AGO2: variants seen among roughly 807,000 people sequenced by gnomAD.
AGO2 encodes the protein protein argonaute-2.
In AGO2, 5 loss-of-function variants were observed where a neutral mutation model predicts 102.3. The observed-to-expected ratio is 0.05, with a 90% confidence interval of 0.03 to 0.10. The LOEUF is 0.10. Ranked by LOEUF, AGO2 falls within the 10% of genes least tolerant of loss-of-function variation. The probability of loss-of-function intolerance (pLI) is 1.00; values close to 1 mark genes in which losing one functional copy is unlikely to be tolerated. For synonymous variants in AGO2, 449 were observed against 473.1 expected, an observed-to-expected ratio of 0.95 and a Z score of 0.66; for missense variants, 541 against 1,183.7, an observed-to-expected ratio of 0.46 and a Z score of 7.97.
intron 1 of AGO2, among the ~76,000 whole-genome samples, chr8:140,632,705 C>G (rs2074356513): frequency 6.6e-6 from 1 of 152,198 alleles, no homozygotes; most frequent in East Asian, 1.9e-4. Flanking sequence ...ATCCACCCAT[C>G]TTAAACAACT....
chr8:140,619,089 G>A (rs1395936532), intron 1 of AGO2, among the ~76,000 whole-genome samples: 2 of 151,650 alleles, frequency 1.3e-5, no homozygotes, highest in Non-Finnish European at 2.9e-5. Context: ...GGTGGCAGCC[G>A]CGGCCTTATC....
chr8:140,547,194 GCCC>G (rs1300830924), intron 13 of AGO2, among the ~76,000 whole-genome samples: 8 of 152,322 alleles, frequency 5.3e-5, no homozygotes, highest in African/African-American at 1.9e-4. Flanking sequence ...TCCAAGGCAT[GCCC>G]TGCTCTGCCT....
chr8:140,542,254 A>T (rs1045371429), intron 14 of AGO2, among the ~76,000 whole-genome samples: 1 of 152,178 alleles, frequency 6.6e-6, no homozygotes, highest in African/African-American at 2.4e-5. Flanking sequence ...AAGGTCCTTA[A>T]ATTTTGAAAA....
At position 140,544,309 on chromosome 8, in the gene AGO2, G is replaced by T. The variant is rs2072854551; in HGVS notation, c.1749-6C>A. The T allele has an allele frequency of 1.9e-6, 3 of 1,598,278 alleles. No homozygotes were observed. The highest frequency in any genetic ancestry group is 2.6e-6 in the Non-Finnish European group (3 of 1,173,844). On this transcript the variant is annotated splice_region_variant and splice_polypyrimidine_tract_variant and intron_variant, in intron 13 of 18. Transcript: ENST00000220592. ...GCTGCTGGAACACCGGCGGCCTGCG[G>T]AGAGGAGTGGCGTCAGGGGCCACGG...
At chr8:140,543,185 A>C (rs78615253) in intron 14 of AGO2, among the ~76,000 whole-genome samples, 1,937 of 143,616 alleles carry the variant, frequency 0.013, 33 homozygotes, top group African/African-American at 0.041. Context: ...ACAAAAAAAA[A>C]CCCACAAAAC....
chr8:140,539,371 C>T lies in AGO2; in HGVS notation c.2118G>A (p.Val706=). Residue 706 remains valine, a synonymous_variant, in exon 16 of 19, where the codon GTG becomes GTA. Coordinates refer to ENST00000220592, the MANE Select transcript of AGO2 (RefSeq NM_012154.5). This position sits in a 1 kb window ranked among gnomAD's most constrained non-coding sequence, Gnocchi z 4.7. The part of the protein sequence containing the change: ...KDYQPGITFI[V]VQKRHHTRLF... ...GCCGGGTGTGGTGCCTCTTCTGCAC[C>T]ACGATGAAGGTGATCCCGGGCTGGT... The T allele has an allele frequency of 1.9e-6, 3 of 1,614,010 alleles. No homozygotes were observed. The highest frequency in any genetic ancestry group is 2.5e-6 in the Non-Finnish European group (3 of 1,179,934).
intron 10 of AGO2, among the ~76,000 whole-genome samples, chr8:140,553,059 A>C (rs985776187): frequency 7.2e-5 from 11 of 152,172 alleles, no homozygotes; most frequent in African/African-American, 2.4e-4. Flanking sequence ...CTCACATTAT[A>C]ATGTTTTAGA....
chr8:140,570,642 A>G (rs1480461832), intron 3 of AGO2, among the ~76,000 whole-genome samples: 1 of 152,178 alleles, frequency 6.6e-6, no homozygotes, highest in Non-Finnish European at 1.5e-5. Flanking sequence ...GGGCACAGGC[A>G]CCGGACGGGG....
intron 1 of AGO2, among the ~76,000 whole-genome samples, chr8:140,628,811 C>A (rs538801183): frequency 6.9e-6 from 1 of 145,404 alleles, no homozygotes; most frequent in Non-Finnish European, 1.5e-5. Context: ...ATAGGCCGGG[C>A]GCGGTGGCTC....
chr8:140,559,813 A>AT (rs1346697869), intron 5 of AGO2, among the ~76,000 whole-genome samples: 1 of 152,072 alleles, frequency 6.6e-6, no homozygotes, highest in Non-Finnish European at 1.5e-5. Flanking sequence ...GTGTTGTAGG[A>AT]TTTTCTGGTT....
In AGO2 at chr8:140,540,517, T is replaced by C. The variant is rs1335761124; in HGVS notation, c.2034+647A>G. ...CCATCGCCCGGGTTCCAGGCCAAGA[T>C]GGACTCATTCCTGCCCACAGGTCAC... On this transcript the variant is annotated intron_variant, in intron 15 of 18. Transcript: ENST00000220592. This position sits in a 1 kb window ranked among gnomAD's most constrained non-coding sequence, Gnocchi z 5.0. Among the ~76,000 whole-genome samples, 3 of 152,208 alleles carry C rather than the reference T, an allele frequency of 2.0e-5. No individual in the cohort carries two copies. The highest frequency in any genetic ancestry group is 4.8e-5 in the African/African-American group (2 of 41,458).
rs116022863 is a variant in AGO2, at chr8:140,619,426, G to A, written c.22+16059C>T. Among the ~76,000 whole-genome samples the A allele has an allele frequency of 4.4e-3, 668 of 152,334 alleles. 4 individuals carry two copies. Among genetic ancestry groups the A allele is most frequent in the African/African-American group, 0.015 (639 of 41,574 alleles). ...TAAAACGACAATGCGGCCCAGCAAT[G>A]CTGGGGCCCAGAGGCACGGCTCAGA... On this transcript the variant is annotated intron_variant, in intron 1 of 18. Transcript: ENST00000220592.
chr8:140,606,109 AGTAAG>A (rs1187033167), intron 1 of AGO2, among the ~76,000 whole-genome samples: 1 of 152,358 alleles, frequency 6.6e-6, no homozygotes, highest in African/African-American at 2.4e-5. Context: ...GTCTACTATA[AGTAAG>A]GTAAGATTTT....
chr8:140,538,970 G>C (rs1036064669), intron 16 of AGO2, among the ~76,000 whole-genome samples: 2 of 152,148 alleles, frequency 1.3e-5, no homozygotes, highest in African/African-American at 4.8e-5. Context: ...CAGGTGTGGT[G>C]GTGCATGCCT....
At chr8:140,618,720 T>C (rs1398303271) in intron 1 of AGO2, among the ~76,000 whole-genome samples, 3 of 150,636 alleles carry the variant, frequency 2.0e-5, no homozygotes, top group African/African-American at 7.3e-5. Flanking sequence ...CCCAGCTACC[T>C]GGGAGGCTGA....
chr8:140,597,480 C>CCCCCCCCCCCCCCCCCCCCA (rs2073864620), intron 1 of AGO2, among the ~76,000 whole-genome samples: 2 of 132,126 alleles, frequency 1.5e-5, no homozygotes, highest in Admixed American at 7.9e-5. Context: ...CCCCACCCCC[C>CCCCCCCCCCCCCCCCCCCCA]CCCCCCCGCC....
intron 1 of AGO2, among the ~76,000 whole-genome samples, chr8:140,628,009 G>C (rs1339846952): frequency 1.3e-5 from 2 of 152,204 alleles, no homozygotes; most frequent in East Asian, 1.9e-4. Context: ...AGCTGCTCGA[G>C]GGCTTCTACC....
In AGO2 at chr8:140,547,592, T is replaced by A; in HGVS notation, c.1624A>T (p.Met542Leu). 6.2e-7 allele frequency: 1 copy of A among 1,614,024 alleles called. No homozygotes were observed. The highest frequency in any genetic ancestry group is 1.3e-5 in the African/African-American group (1 of 75,076). ...TTCATCTGCACGCACTGCGTGGCCATCCCCAGCACCGTGTCTCCCACGCGC... is the reference window on the plus strand; with the variant it reads ...TTCATCTGCACGCACTGCGTGGCCAACCCCAGCACCGTGTCTCCCACGCGC... ...VKRVGDTVLG[M>L]ATQCVQMKNV... is the part of the protein sequence containing the mutation. The change falls in exon 13 of 19, where the codon ATG becomes TTG. Residue 542 changes from methionine (M) to leucine (L), a missense_variant. Physicochemically the swap from Met to Leu is conservative, Grantham distance 15 (BLOSUM62 2). Coordinates refer to ENST00000220592, the MANE Select transcript of AGO2 (RefSeq NM_012154.5).
At chr8:140,637,256 A>G (rs541039102), upstream of AGO2, 51 of 152,308 alleles carry the variant, frequency 3.3e-4, no homozygotes, top group African/African-American at 1.2e-3. Flanking sequence ...AACCTCATCA[A>G]TCTTCCCAGT....
Sources: gnomAD v4.1 joint callset for allele counts (sites outside exome capture counted in the v4.1 genomes callset) on GRCh38, gnomAD v4.1.1 for gene constraint, Gnocchi (gnomAD v3.1) non-coding constraint, MANE v1.5 for transcripts, NCBI Gene and HGNC (gene_info 2026-07-23, HGNC 2026-07-21) for gene names.